CHD9: variants seen among roughly 807,000 people sequenced by gnomAD.
CHD9 encodes the protein chromodomain helicase DNA binding protein 9.
CHD9 carries 77 observed loss-of-function variants against 316.1 expected under a neutral mutation model. The observed-to-expected ratio is 0.24, with a 90% CI of 0.20 to 0.29. The LOEUF (loss-of-function observed/expected upper bound fraction) is 0.29, where lower values mean the gene tolerates loss of function less well. Among genes scored for constraint, CHD9 ranks in the 10% least tolerant of loss-of-function variants. The probability of loss-of-function intolerance (pLI) is 1.00; values close to 1 mark genes in which losing one functional copy is unlikely to be tolerated. For synonymous variants in CHD9, 1,129 were observed against 1,158.3 expected (o/e 0.97, Z 0.51); for missense variants, 2,763 against 3,438.1 (o/e 0.80, Z 4.91).
intron 1 of CHD9, among the ~76,000 whole-genome samples, chr16:53,141,397 G>A (rs376475856): frequency 5.9e-5 from 9 of 152,118 alleles, no homozygotes; most frequent in East Asian, 5.8e-4. Context: ...TAAGGGATAC[G>A]TGAGAATTAA....
intron 2 of CHD9, among the ~76,000 whole-genome samples, chr16:53,204,909 T>G (rs2045780061): frequency 6.6e-6 from 1 of 152,134 alleles, no homozygotes; most frequent in Non-Finnish European, 1.5e-5. Flanking sequence ...GGTGGCATGA[T>G]CTCAGCTGAC....
At chr16:53,308,993 T>A (rs1239813637) in intron 34 of CHD9, 139 bp downstream of exon 34, 3 of 637,678 alleles carry the variant, frequency 4.7e-6, no homozygotes, top group Non-Finnish European at 7.4e-6. Context: ...AATAGAATTT[T>A]AAATCTTAAC....
chr16:53,089,299 A>G (rs2035738576), intron 1 of CHD9, among the ~76,000 whole-genome samples: 1 of 152,156 alleles, frequency 6.6e-6, no homozygotes, highest in Admixed American at 6.5e-5. Context: ...AAAACAAAAC[A>G]AAACAAAAGA....
intron 24 of CHD9, among the ~76,000 whole-genome samples, chr16:53,279,357 T>G (rs1412774098): frequency 4.6e-5 from 7 of 151,360 alleles, no homozygotes; most frequent in African/African-American, 1.5e-4. Context: ...CTGGGGCCTG[T>G]CGTGGGGTGG....
intron 1 of CHD9, among the ~76,000 whole-genome samples, chr16:53,151,340 CT>C (rs927082247): frequency 4.6e-5 from 7 of 151,558 alleles, no homozygotes; most frequent in African/African-American, 1.7e-4. Context: ...CAAACTCTGC[CT>C]CTCGGGTTCA....
Position 53,310,806 on chromosome 16 carries a change from G to A in CHD9, c.7222+1952G>A, listed in dbSNP as rs185540098. ...GCGGAGGTTGCAGTGAGCCGAGGTC[G>A]GGCCATTGTACTCCAGCCTGGGCAA... On this transcript the variant is annotated intron_variant, in intron 34 of 38. Transcript: ENST00000447540. 4.3e-4 allele frequency: 65 copies of A among 150,734 alleles called. No homozygotes were observed. In the East Asian group the frequency reaches 0.011, roughly 26 times the overall value. 9.3% of individuals were successfully genotyped at this position (150,734 alleles called of 1,614,324 possible). A position where few individuals can be genotyped will look rare whatever the true frequency, so the allele number is the denominator to read the frequency against.
chr16:53,063,982 T>G (rs2033244982), intron 1 of CHD9, among the ~76,000 whole-genome samples: 1 of 151,690 alleles, frequency 6.6e-6, no homozygotes, highest in African/African-American at 2.4e-5. Flanking sequence ...TACAGACCTA[T>G]GAGCCACCAT....
chr16:53,199,905 A>C (rs531100624), intron 2 of CHD9, among the ~76,000 whole-genome samples: 1 of 152,344 alleles, frequency 6.6e-6, no homozygotes, highest in African/African-American at 2.4e-5. Flanking sequence ...ATTTTGAACA[A>C]GTAAGTAATC....
chr16:53,274,565 C>T (rs1283734780), intron 24 of CHD9, among the ~76,000 whole-genome samples: 2 of 152,116 alleles, frequency 1.3e-5, no homozygotes, highest in African/African-American at 4.8e-5. Flanking sequence ...AAGCAATTCT[C>T]CTGCCTCAGC....
In CHD9 at chr16:53,256,381, C is replaced by CTTTTTTTT. The variant is rs1163977563; in HGVS notation, c.4209+617_4209+624dup. ...TGCCTTTATATTCCTTTTTTCTTTT[C>CTTTTTTTT]TTTTTTTTTTTTTTTTTTTTTTGAG... On this transcript the variant is annotated intron_variant, in intron 19 of 38. Coordinates refer to ENST00000447540, the MANE Select transcript of CHD9 (RefSeq NM_001308319.2). Among the ~76,000 whole-genome samples, 46 of 99,258 alleles carry CTTTTTTTT rather than the reference C, an allele frequency of 4.6e-4. 1 individual carries two copies. The highest frequency in any genetic ancestry group is 1.2e-3 in the African/African-American group (30 of 24,374). 65.1% of individuals were successfully genotyped at this position (99,258 alleles called of 152,430 possible).
rs112420176 is a variant in CHD9 at position 53,279,638 on chromosome 16, C to T, written c.4967+5336C>T. On this transcript the variant is annotated intron_variant, in intron 24 of 38. Coordinates refer to ENST00000447540, the MANE Select transcript of CHD9 (RefSeq NM_001308319.2). Reference sequence around the variant, plus strand: ...AGGCAAGGATTTCATGACTAAGGACCCAAAAGCAATTGCAGTAAAAACAAA... The same window carrying T: ...AGGCAAGGATTTCATGACTAAGGACTCAAAAGCAATTGCAGTAAAAACAAA... Among the ~76,000 whole-genome samples, 1,505 of 152,052 alleles carry T rather than the reference C, an allele frequency of 9.9e-3. 10 individuals carry two copies. The highest frequency in any genetic ancestry group is 0.024 in the Middle Eastern group (7 of 294).
intron 24 of CHD9, among the ~76,000 whole-genome samples, chr16:53,281,903 CTTT>C (rs531614088): frequency 1.1e-4 from 16 of 152,172 alleles, no homozygotes; most frequent in Non-Finnish European, 2.4e-4. Context: ...ACTTAACCTT[CTTT>C]TATTTCATTT....
chr16:53,097,269 A>G (rs1435659103), intron 1 of CHD9, among the ~76,000 whole-genome samples: 1 of 152,138 alleles, frequency 6.6e-6, no homozygotes. Flanking sequence ...AGACTTGAGA[A>G]CTCTCGCTGT....
chr16:53,305,062 T>G (rs1442939966), intron 31 of CHD9, among the ~76,000 whole-genome samples: 2 of 151,540 alleles, frequency 1.3e-5, no homozygotes, highest in Non-Finnish European at 2.9e-5. Flanking sequence ...TAAAATTGTT[T>G]GCTTACAGTG....
chr16:53,241,955 G>A (rs995827877), intron 12 of CHD9, among the ~76,000 whole-genome samples: 2 of 152,286 alleles, frequency 1.3e-5, no homozygotes, highest in Middle Eastern at 3.4e-3. Context: ...CCCGCAGTCG[G>A]CTGCATCCCC....
Position 53,231,791 on chromosome 16 carries a change from AC to A in CHD9, c.2511+9del. ...GCCTGACACAAGACGTTTGGTAAGA[AC>A]CTGTTTTAGACAGCTTTATAAAATC... On this transcript the variant is annotated splice_region_variant and intron_variant, in intron 10 of 38. Transcript: ENST00000447540. 6.3e-7 allele frequency: 1 copy of A among 1,590,672 alleles called. No homozygotes were observed. Among genetic ancestry groups the A allele is most frequent in the South Asian group, 1.1e-5 (1 of 87,296 alleles).
At chr16:53,103,159 TTAA>T (rs1179854548) in intron 1 of CHD9, among the ~76,000 whole-genome samples, 4,202 of 109,404 alleles carry the variant, frequency 0.038, 121 homozygotes, top group Middle Eastern at 0.052. Context: ...CCCTGTCTCT[TTAA>T]AAAAAAAAAA....
chr16:53,274,182 A>C (rs2052567094), intron 23 of CHD9, 31 bp from the exon 24 acceptor site: 1 of 1,339,638 alleles, frequency 7.5e-7, no homozygotes, highest in African/African-American at 1.4e-5. Flanking sequence ...GAATGTCTTT[A>C]TGCCTTTGAT....
At chr16:53,188,660 T>C (rs1393326764) in intron 2 of CHD9, among the ~76,000 whole-genome samples, 5 of 129,128 alleles carry the variant, frequency 3.9e-5, no homozygotes, top group African/African-American at 1.4e-4. Flanking sequence ...AGTGGTACCA[T>C]CTCGGCTCAC....
Sources: gnomAD v4.1 joint callset for allele counts (sites outside exome capture counted in the v4.1 genomes callset) on GRCh38, gnomAD v4.1.1 for gene constraint, MANE v1.5 for transcripts, NCBI Gene and HGNC (gene_info 2026-07-23, HGNC 2026-07-21) for gene names.